Variants in PPP2R5E observed in about 807,000 individuals in gnomAD.
PPP2R5E encodes protein phosphatase 2 regulatory subunit B'epsilon.
In PPP2R5E, 4 loss-of-function variants were observed where a neutral mutation model predicts 65.3. The ratio of observed to expected loss-of-function variants is 0.06; its 90% CI spans 0.03 to 0.14. The LOEUF is 0.14. Among genes scored for constraint, PPP2R5E ranks in the 10% least tolerant of loss-of-function variants. The pLI is 1.00. For missense variants in PPP2R5E, 274 were observed against 556.1 expected (o/e 0.49, Z 5.10); for synonymous variants, 183 against 187.4 (o/e 0.98, Z 0.19).
chr14:63,459,710 T>A (rs955579168), intron 2 of PPP2R5E, among the ~76,000 whole-genome samples: 1 of 152,202 alleles, frequency 6.6e-6, no homozygotes, highest in South Asian at 2.1e-4. Flanking sequence ...CTGCTAAGCA[T>A]TTGTATTTTA....
chr14:63,522,992 G>A (rs536646093), intron 2 of PPP2R5E, among the ~76,000 whole-genome samples: 1,469 of 146,046 alleles, frequency 0.01, 12 homozygotes, highest in Non-Finnish European at 0.018. Context: ...CAGCCGCCCC[G>A]TCCGGGAGGT....
chr14:63,388,112 C>CTT (rs779677887), intron 11 of PPP2R5E, among the ~76,000 whole-genome samples: 6 of 137,458 alleles, frequency 4.4e-5, no homozygotes, highest in African/African-American at 1.6e-4. Flanking sequence ...TGGTGATGCT[C>CTT]TTTTTTTTTT....
intron 5 of PPP2R5E, among the ~76,000 whole-genome samples, chr14:63,408,259 G>A (rs2139839938): frequency 6.6e-6 from 1 of 152,092 alleles, no homozygotes; most frequent in East Asian, 1.9e-4. Flanking sequence ...AATAACCTTT[G>A]TATATATATC....
At chr14:63,423,533 A>G (rs1310852106) in intron 3 of PPP2R5E, among the ~76,000 whole-genome samples, 1 of 152,168 alleles carries the variant, frequency 6.6e-6, no homozygotes, top group Non-Finnish European at 1.5e-5. Flanking sequence ...TATCCTCCTA[A>G]TGACCCAAAC....
At chr14:63,539,064 C>G (rs1244368974) in intron 2 of PPP2R5E, among the ~76,000 whole-genome samples, 1 of 152,072 alleles carries the variant, frequency 6.6e-6, no homozygotes. Context: ...ATGTAAACAA[C>G]TATAAATGGA....
chr14:63,488,503 G>A (rs61983967), intron 2 of PPP2R5E, among the ~76,000 whole-genome samples: 1,626 of 152,064 alleles, frequency 0.011, 11 homozygotes, highest in Non-Finnish European at 0.015. Context: ...GTACCCAGCC[G>A]TGTGAATGAT....
intron 3 of PPP2R5E, among the ~76,000 whole-genome samples, chr14:63,445,559 T>C (rs2139447063): frequency 6.6e-6 from 1 of 152,176 alleles, no homozygotes; most frequent in South Asian, 2.1e-4. Context: ...AAGATGACAA[T>C]GAGGCCAGGT....
In PPP2R5E at chr14:63,407,602, T is replaced by A. The variant is rs72714231; in HGVS notation, c.549+7538A>T. Among the ~76,000 whole-genome samples, 711 of 152,336 alleles carry A rather than the reference T, an allele frequency of 4.7e-3. 8 individuals are homozygous for A. Among genetic ancestry groups the A allele is most frequent in the East Asian group, 0.019 (97 of 5,188 alleles). ...TCTAAAAAATAGGAAGTGAAGATCA[T>A]CACACATAATCACCCCCTTCCAGCC... On this transcript the variant is annotated intron_variant, in intron 5 of 13. Transcript: ENST00000337537.
chr14:63,444,323 C>T (rs1207778674), intron 3 of PPP2R5E, among the ~76,000 whole-genome samples: 1 of 152,210 alleles, frequency 6.6e-6, no homozygotes, highest in Non-Finnish European at 1.5e-5. Context: ...GTCAAGCCTT[C>T]CTTAACCACC....
rs191106889 is a variant in PPP2R5E, at chr14:63,483,168, T to A, written c.158-29283A>T. Among the ~76,000 whole-genome samples the A allele has an allele frequency of 1.3e-3, 203 of 151,974 alleles. 2 individuals carry two copies. The South Asian group carries it at 0.022, about 17-fold the overall frequency. On this transcript the variant is annotated intron_variant, in intron 2 of 13. Transcript: ENST00000337537. ...TTAAAAATATAAATAAAATTTTTTT[T>A]AAAAAATCATACAGTATGTTGAAAA...
Position 63,443,112 on chromosome 14 carries a change from TA to T in PPP2R5E, c.354+10576del, listed in dbSNP as rs550928787. 4.1e-3 allele frequency among the ~76,000 whole-genome samples: 612 copies of T among 150,252 alleles called. 2 individuals are homozygous for T. The highest frequency in any genetic ancestry group is 0.014 in the African/African-American group (565 of 40,902). The stretch of plus-strand genomic sequence containing the variant: ...GTTTCCAGTTAAATCAAAGAATGTA[TA>T]AAAAAAAATAAAGCACTTAGATAAC... On this transcript the variant is annotated intron_variant, in intron 3 of 13. Transcript: ENST00000337537.
chr14:63,486,320 A>ACACACACC, intron 2 of PPP2R5E, among the ~76,000 whole-genome samples: 1 of 148,708 alleles, frequency 6.7e-6, no homozygotes, highest in Non-Finnish European at 1.5e-5. Flanking sequence ...ACACACACAC[A>ACACACACC]CACACACATC....
At chr14:63,505,793 C>CA (rs1594951098) in intron 2 of PPP2R5E, among the ~76,000 whole-genome samples, 1 of 152,210 alleles carries the variant, frequency 6.6e-6, no homozygotes, top group East Asian at 1.9e-4. Flanking sequence ...ACCAGAAACT[C>CA]AGTTAGGAAC....
chr14:63,473,385 T>C (rs1890227831), intron 2 of PPP2R5E, among the ~76,000 whole-genome samples: 1 of 151,902 alleles, frequency 6.6e-6, no homozygotes, highest in South Asian at 2.1e-4. Context: ...GAACAGAAGG[T>C]TAAAAATGGA....
At chr14:63,531,444 G>A (rs1893430744) in intron 2 of PPP2R5E, among the ~76,000 whole-genome samples, 1 of 150,778 alleles carries the variant, frequency 6.6e-6, no homozygotes, top group Non-Finnish European at 1.5e-5. Context: ...TTGTGCACAT[G>A]TACCCTAAAA....
chr14:63,441,973 G>C (rs979865852), intron 3 of PPP2R5E, among the ~76,000 whole-genome samples: 3 of 151,302 alleles, frequency 2.0e-5, no homozygotes, highest in Non-Finnish European at 4.4e-5. Flanking sequence ...AGGGTTCAGT[G>C]ACCCCAAGAA....
intron 2 of PPP2R5E, among the ~76,000 whole-genome samples, chr14:63,536,628 C>T (rs1371125814): frequency 6.6e-6 from 1 of 152,110 alleles, no homozygotes; most frequent in African/African-American, 2.4e-5. Context: ...CCCAAGTGTC[C>T]ACCAATGAAT....
chr14:63,475,199 T>C (rs1376388428), intron 2 of PPP2R5E, among the ~76,000 whole-genome samples: 2 of 152,250 alleles, frequency 1.3e-5, no homozygotes, highest in Non-Finnish European at 2.9e-5. Context: ...CAACTCTTTA[T>C]CAAATTCAAA....
At chr14:63,420,103 T>G (rs538240801) in intron 4 of PPP2R5E, among the ~76,000 whole-genome samples, 1 of 152,200 alleles carries the variant, frequency 6.6e-6, no homozygotes, top group African/African-American at 2.4e-5. Context: ...TATCATGACA[T>G]AGAATATTCA....
Sources: allele counts gnomAD v4.1 joint callset (sites outside exome capture counted in the v4.1 genomes callset), GRCh38; gene constraint gnomAD v4.1.1; transcripts MANE v1.5; gene names NCBI Gene and HGNC (gene_info 2026-07-23, HGNC 2026-07-21).